SRBD1: variants seen among roughly 807,000 people sequenced by gnomAD.
The protein encoded by SRBD1 is S1 RNA-binding domain-containing protein 1.
In SRBD1, 88 loss-of-function variants were observed where a neutral mutation model predicts 115.3. That is an observed-to-expected ratio of 0.76 (90% CI 0.64 to 0.91). The LOEUF (loss-of-function observed/expected upper bound fraction) is 0.91. SRBD1 is among the 40% of genes least tolerant of loss of function. The pLI, the probability that SRBD1 is intolerant of heterozygous loss-of-function variation, is 0.00. For synonymous variants in SRBD1, 509 were observed against 407.7 expected, an observed-to-expected ratio of 1.25 and a Z score of -2.99; for missense variants, 1,385 against 1,177.4, an observed-to-expected ratio of 1.18 and a Z score of -2.58.
intron 14 of SRBD1, among the ~76,000 whole-genome samples, chr2:45,517,899 G>A (rs996924208): frequency 5.9e-5 from 9 of 151,882 alleles, no homozygotes; most frequent in Non-Finnish European, 8.8e-5. Context: ...TACTCTGGGG[G>A]CTGAGGTTGG....
chr2:45,595,843 C>G (rs145024289), intron 4 of SRBD1, among the ~76,000 whole-genome samples: 27 of 152,212 alleles, frequency 1.8e-4, no homozygotes, highest in African/African-American at 6.5e-4. Flanking sequence ...GGCAATTTCC[C>G]TAAACCCACC....
chr2:45,420,338 T>C (rs550025179), intron 16 of SRBD1, among the ~76,000 whole-genome samples: 8 of 152,272 alleles, frequency 5.3e-5, no homozygotes, highest in African/African-American at 4.8e-5. Context: ...CACGGCCTTA[T>C]AGTGTTATGG....
At position 45,463,022 on chromosome 2, in the gene SRBD1, G is replaced by A. The variant is rs905287634; in HGVS notation, c.2049+13971C>T. On this transcript the variant is annotated intron_variant, in intron 16 of 20. Coordinates refer to ENST00000263736, the MANE Select transcript of SRBD1 (RefSeq NM_018079.5). Reference sequence around the variant, plus strand: ...TTTAATTGTTGAGAATAACCCGGGGGGGGGGGGGGAAATCTCTCTTGTCAA... The same window carrying A: ...TTTAATTGTTGAGAATAACCCGGGGAGGGGGGGGGAAATCTCTCTTGTCAA... Among the ~76,000 whole-genome samples the A allele has an allele frequency of 7.4e-4, 26 of 34,982 alleles. 1 individual carries two copies. The South Asian group carries it at 0.013, about 17-fold the overall frequency. The allele number at this position is 34,982 out of a possible 152,430, so 22.9% of individuals were successfully genotyped here. A position where few individuals can be genotyped will look rare whatever the true frequency, so the allele number is the denominator to read the frequency against.
chr2:45,570,797 G>A (rs1672982519), intron 9 of SRBD1, among the ~76,000 whole-genome samples: 1 of 152,132 alleles, frequency 6.6e-6, no homozygotes, highest in South Asian at 2.1e-4. Flanking sequence ...ATGGTTGTGT[G>A]TTTTGATGTC....
intron 6 of SRBD1, 109 bp from the exon 7 acceptor site, chr2:45,580,122 C>CA: frequency 1.1e-6 from 1 of 900,630 alleles, no homozygotes; most frequent in Middle Eastern, 3.5e-4. Flanking sequence ...ATCCTTTTCT[C>CA]AATCTTTTCC....
At chr2:45,457,132 A>G (rs975500687) in intron 16 of SRBD1, among the ~76,000 whole-genome samples, 1 of 151,910 alleles carries the variant, frequency 6.6e-6, no homozygotes, top group Admixed American at 6.6e-5. Flanking sequence ...ACAAAATATA[A>G]AACTGTAACA....
intron 14 of SRBD1, among the ~76,000 whole-genome samples, chr2:45,537,107 G>A (rs1318022229): frequency 6.6e-6 from 1 of 152,116 alleles, no homozygotes; most frequent in African/African-American, 2.4e-5. Flanking sequence ...TGGGTTACAA[G>A]TTACAATCTG....
chr2:45,588,050 C>G (rs1252828068), intron 4 of SRBD1, among the ~76,000 whole-genome samples: 1 of 152,194 alleles, frequency 6.6e-6, no homozygotes, highest in Non-Finnish European at 1.5e-5. Flanking sequence ...TGTCACTGTT[C>G]TTCATTTCTT....
chr2:45,558,063 T>A (rs12712945), intron 10 of SRBD1, among the ~76,000 whole-genome samples: 1 of 152,034 alleles, frequency 6.6e-6, no homozygotes, highest in African/African-American at 2.4e-5. Context: ...ACATTTAAAG[T>A]AGAGACAGTT....
chr2:45,550,486 C>T (rs2117852), intron 12 of SRBD1, among the ~76,000 whole-genome samples: 117,409 of 146,716 alleles, frequency 0.8, 47,676 homozygotes, highest in African/African-American at 0.92. Flanking sequence ...ACAAAAATTA[C>T]AGTAGCCAAA....
At chr2:45,488,451 C>G in intron 14 of SRBD1, 120 bp from the exon 15 acceptor site, 1 of 683,808 alleles carries the variant, frequency 1.5e-6, no homozygotes, top group Non-Finnish European at 2.5e-6. Context: ...CTGTTCTCTT[C>G]ATATCTCAAT....
intron 15 of SRBD1, among the ~76,000 whole-genome samples, chr2:45,485,448 T>C (rs1670089078): frequency 6.6e-6 from 1 of 152,204 alleles, no homozygotes; most frequent in Non-Finnish European, 1.5e-5. Flanking sequence ...ATCATGTCAT[T>C]TTAATCAATT....
At chr2:45,484,581 T>C (rs1670058947) in intron 15 of SRBD1, among the ~76,000 whole-genome samples, 1 of 152,200 alleles carries the variant, frequency 6.6e-6, no homozygotes. Context: ...ATTGTTATTT[T>C]ATTGAGGTGA....
At chr2:45,454,453 T>A (rs1395520085) in intron 16 of SRBD1, among the ~76,000 whole-genome samples, 1 of 151,876 alleles carries the variant, frequency 6.6e-6, no homozygotes, top group African/African-American at 2.4e-5. Flanking sequence ...TTAATAGTTG[T>A]ACATTTCTTT....
intron 15 of SRBD1, among the ~76,000 whole-genome samples, chr2:45,486,688 G>A (rs566693114): frequency 4.0e-5 from 6 of 151,582 alleles, no homozygotes; most frequent in Non-Finnish European, 8.8e-5. Context: ...AGCCGAGTTC[G>A]CACCACTGTA....
chr2:45,398,399 T>G (rs1281944877), intron 19 of SRBD1, among the ~76,000 whole-genome samples: 1 of 152,178 alleles, frequency 6.6e-6, no homozygotes, highest in Non-Finnish European at 1.5e-5. Flanking sequence ...AAAGATTTCC[T>G]GTCATAGATG....
chr2:45,474,595 T>C (rs796264585), intron 16 of SRBD1, among the ~76,000 whole-genome samples: 31 of 152,336 alleles, frequency 2.0e-4, no homozygotes, highest in African/African-American at 7.2e-4. Flanking sequence ...TGTATCTTCT[T>C]ATCTAATACT....
At chr2:45,463,792 A>C (rs1377411098) in intron 16 of SRBD1, among the ~76,000 whole-genome samples, 1 of 152,172 alleles carries the variant, frequency 6.6e-6, no homozygotes, top group African/African-American at 2.4e-5. Flanking sequence ...TTTAGTCTAC[A>C]AACTATGCAT....
At chr2:45,423,990 A>G (rs1668081028) in intron 16 of SRBD1, among the ~76,000 whole-genome samples, 1 of 152,198 alleles carries the variant, frequency 6.6e-6, no homozygotes, top group Non-Finnish European at 1.5e-5. Flanking sequence ...GAATAGTACT[A>G]AAACTTTATT....
Sources: gnomAD v4.1 joint callset for allele counts (sites outside exome capture counted in the v4.1 genomes callset) on GRCh38, gnomAD v4.1.1 for gene constraint, MANE v1.5 for transcripts, NCBI Gene and HGNC (gene_info 2026-07-23, HGNC 2026-07-21) for gene names.